The following JCAD variants were observed in gnomAD, a reference collection of about 807,000 sequenced individuals.
The protein encoded by JCAD is junctional cadherin 5-associated protein.
Under a neutral mutation model 98.0 loss-of-function variants are expected in JCAD, and 40 were observed. The observed-to-expected ratio is 0.41, with a 90% CI of 0.32 to 0.53. The LOEUF (loss-of-function observed/expected upper bound fraction) is 0.53. Ranked by LOEUF, JCAD falls within the 20% of genes least tolerant of loss-of-function variation. The probability of loss-of-function intolerance (pLI) is 0.31; values close to 1 mark genes in which losing one functional copy is unlikely to be tolerated. For missense variants in JCAD, 1,705 were observed against 1,738.1 expected, an observed-to-expected ratio of 0.98 and a Z score of 0.34; for synonymous variants, 691 against 682.3, an observed-to-expected ratio of 1.01 and a Z score of -0.20.
At chr10:30,068,116 C>T (rs1173847112) in intron 2 of JCAD, among the ~76,000 whole-genome samples, 1 of 152,082 alleles carries the variant, frequency 6.6e-6, no homozygotes, top group Admixed American at 6.5e-5. Flanking sequence ...CGGCCGGGTG[C>T]GGTGGCTCAG....
intron 1 of JCAD, among the ~76,000 whole-genome samples, chr10:30,083,759 A>G (rs1250968400): frequency 6.6e-6 from 1 of 152,172 alleles, no homozygotes; most frequent in Non-Finnish European, 1.5e-5. Flanking sequence ...TGGGCGCGAT[A>G]CTCATGCTTG....
chr10:30,070,998 C>T (rs140868783), intron 1 of JCAD, among the ~76,000 whole-genome samples: 15 of 152,270 alleles, frequency 9.9e-5, no homozygotes, highest in Middle Eastern at 3.4e-3. Flanking sequence ...CTCCCCCTCC[C>T]GAGTTCAAGC....
intron 2 of JCAD, 96 bp downstream of exon 2, chr10:30,047,436 C>T: frequency 1.4e-6 from 2 of 1,435,278 alleles, no homozygotes; most frequent in Non-Finnish European, 1.9e-6. Flanking sequence ...CCTCCTTGGC[C>T]CTGGCCAAAT....
intron 1 of JCAD, among the ~76,000 whole-genome samples, chr10:30,107,345 T>C (rs1838603576): frequency 6.6e-6 from 1 of 152,228 alleles, no homozygotes; most frequent in Non-Finnish European, 1.5e-5. Flanking sequence ...AAGGGATCTC[T>C]CGTCATCCTT....
intron 2 of JCAD, among the ~76,000 whole-genome samples, 171 bp from the exon 3 acceptor site, chr10:30,030,037 C>CAGCCA (rs1400251568): frequency 6.6e-6 from 1 of 152,238 alleles, no homozygotes; most frequent in Non-Finnish European, 1.5e-5. Context: ...GGTTGGAAGA[C>CAGCCA]AGCCACGTGT....
Position 30,027,236 on chromosome 10 carries a change from C to G in JCAD, c.2912G>C (p.Ser971Thr), listed in dbSNP as rs1423552318. ...VSNGMDELAG[S>T]PFPVTRMSSR... Reference sequence around the variant, plus strand: ...AGACATTCTCGTCACAGGAAATGGGCTACCTGCCAGCTCGTCCATTCCGTT... The same window carrying G: ...AGACATTCTCGTCACAGGAAATGGGGTACCTGCCAGCTCGTCCATTCCGTT... The change falls in exon 3 of 4, where the codon AGC (serine) becomes ACC (threonine). Residue 971 changes from serine (S) to threonine (T), a missense_variant. Around this residue, in one of 3 missense-constraint regions of JCAD, gnomAD observed 1,278 missense variants for 1,243.1 expected, o/e 1.03. Transcript: ENST00000375377. The G allele has an allele frequency of 6.2e-7, 1 of 1,614,236 alleles. No individual in the cohort carries two copies. Among genetic ancestry groups the G allele is most frequent in the South Asian group, 1.1e-5 (1 of 91,088 alleles).
rs1453691179 is a variant in JCAD at position 30,013,421 on chromosome 10, G to A, written c.*4462C>T. 6.6e-6 allele frequency: 1 copy of A among 152,078 alleles called. No homozygotes were observed. Among genetic ancestry groups the A allele is most frequent in the African/African-American group, 2.4e-5 (1 of 41,394 alleles). The allele number at this position is 152,078 out of a possible 1,614,324, so 9.4% of individuals were successfully genotyped here. A position where few individuals can be genotyped will look rare whatever the true frequency, so the allele number is the denominator to read the frequency against. Reference sequence around the variant, plus strand: ...TTCTCTGACAGGCCTGACTGTGAGGGCTCGAATTTCAGCTGACCTAGGTGG... The same window carrying A: ...TTCTCTGACAGGCCTGACTGTGAGGACTCGAATTTCAGCTGACCTAGGTGG... On this transcript the variant is annotated 3_prime_UTR_variant, in exon 4 of 4. Transcript: ENST00000375377.
intron 2 of JCAD, among the ~76,000 whole-genome samples, chr10:30,065,592 C>A (rs144554366): frequency 0.032 from 4,915 of 152,104 alleles, 257 homozygotes; most frequent in African/African-American, 0.11. Context: ...GCCTTGACCT[C>A]CTGGGCTCAA....
intron 1 of JCAD, among the ~76,000 whole-genome samples, chr10:30,105,948 T>C (rs1838571132): frequency 6.6e-6 from 1 of 152,214 alleles, no homozygotes; most frequent in Admixed American, 6.5e-5. Flanking sequence ...AGCATTAATG[T>C]AACTCTGCTA....
chr10:30,063,917 C>T (rs1837744133), upstream of JCAD, among the ~76,000 whole-genome samples: 1 of 152,056 alleles, frequency 6.6e-6, no homozygotes, highest in Admixed American at 6.6e-5. Flanking sequence ...TGCAATTCTC[C>T]TGCCTCAGCT....
At chr10:30,103,632 C>CACA (rs768336333) in intron 1 of JCAD, among the ~76,000 whole-genome samples, 1 of 142,978 alleles carries the variant, frequency 7.0e-6, no homozygotes, top group African/African-American at 2.8e-5. Flanking sequence ...ACACACACAC[C>CACA]CACACACACT....
chr10:30,064,007 A>T (rs756382734), upstream of JCAD, among the ~76,000 whole-genome samples: 5 of 152,024 alleles, frequency 3.3e-5, no homozygotes, highest in African/African-American at 4.8e-5. Context: ...GGTTTTCACC[A>T]TGTTGGCCAG....
At chr10:30,092,121 T>A (rs1261254652) in intron 1 of JCAD, among the ~76,000 whole-genome samples, 3 of 112,574 alleles carry the variant, frequency 2.7e-5, no homozygotes, top group Non-Finnish European at 5.0e-5. Flanking sequence ...TATATATATA[T>A]ATATAAAAAA....
At chr10:30,052,273 G>A (rs182364569) in intron 1 of JCAD, among the ~76,000 whole-genome samples, 1 of 152,338 alleles carries the variant, frequency 6.6e-6, no homozygotes, top group Admixed American at 6.5e-5. Flanking sequence ...TCACTGCACA[G>A]GAGGAAAGGA....
intron 1 of JCAD, among the ~76,000 whole-genome samples, chr10:30,054,675 C>CT (rs34992036): frequency 0.47 from 69,471 of 146,578 alleles, 16,483 homozygotes; most frequent in Non-Finnish European, 0.52. Context: ...GAAAATGCAT[C>CT]TTTTTTTTTT....
chr10:30,088,325 T>C (rs1028358810), intron 1 of JCAD, among the ~76,000 whole-genome samples: 9 of 152,062 alleles, frequency 5.9e-5, no homozygotes, highest in East Asian at 1.9e-4. Flanking sequence ...CCATGGGAAG[T>C]TGGAGCTAAA....
chr10:30,016,646 T>G lies in JCAD; in HGVS notation c.*1237A>C, dbSNP rs1301326721. Reference sequence around the variant, plus strand: ...AGATCATTCTAGATAAAAATACGTATTTCTTTAAAGGGGTGGGGTGGCAGG... The same window carrying G: ...AGATCATTCTAGATAAAAATACGTAGTTCTTTAAAGGGGTGGGGTGGCAGG... On this transcript the variant is annotated 3_prime_UTR_variant, in exon 4 of 4. Transcript: ENST00000375377. 6.6e-6 allele frequency: 1 copy of G among 152,040 alleles called. No homozygotes were observed. Among genetic ancestry groups the G allele is most frequent in the Non-Finnish European group, 1.5e-5 (1 of 68,004 alleles). The allele number at this position is 152,040 out of a possible 1,614,324, so 9.4% of individuals were successfully genotyped here.
At position 30,078,501 on chromosome 10, in the gene JCAD, T is replaced by C. The variant is rs552658987; in HGVS notation, n.129-8680A>G. On this transcript the variant is annotated intron_variant and non_coding_transcript_variant, in intron 1 of 2. Transcript: ENST00000465712. ...TCACCCATCAAGCCTGTGAAGGTAGTTGAAGTAGCTGCTCTAATGGCTGAA... is the reference window on the plus strand; with the variant it reads ...TCACCCATCAAGCCTGTGAAGGTAGCTGAAGTAGCTGCTCTAATGGCTGAA... Among the ~76,000 whole-genome samples, 9 of 152,316 alleles carry C rather than the reference T, an allele frequency of 5.9e-5. No individual in the cohort carries two copies. In the South Asian group the frequency reaches 1.9e-3, roughly 32 times the overall value.
At chr10:30,080,263 G>T (rs1369194844) in intron 1 of JCAD, among the ~76,000 whole-genome samples, 1 of 152,024 alleles carries the variant, frequency 6.6e-6, no homozygotes, top group Non-Finnish European at 1.5e-5. Context: ...CTTACTCCCT[G>T]TTCCCTCCTT....
Sources: gnomAD v4.1 joint callset for allele counts (sites outside exome capture counted in the v4.1 genomes callset) on GRCh38, gnomAD v4.1.1 for gene constraint, gnomAD v4.1.1 regional missense constraint, MANE v1.5 for transcripts, NCBI Gene and HGNC (gene_info 2026-07-23, HGNC 2026-07-21) for gene names.